Variants in PREPL observed in about 807,000 individuals in gnomAD.
PREPL encodes the protein prolyl endopeptidase like, also known as prolyl endopeptidase-like.
In PREPL, 77 loss-of-function variants were observed where a neutral mutation model predicts 70.6. That is an observed-to-expected ratio of 1.09 (90% CI 0.91 to 1.32). The LOEUF is 1.32. Among genes scored for constraint, PREPL ranks in the 40% most tolerant of loss-of-function variants. The pLI is 0.00. For missense variants in PREPL, 1,002 were observed against 778.2 expected, an observed-to-expected ratio of 1.29 and a Z score of -3.42; for synonymous variants, 315 against 264.8, an observed-to-expected ratio of 1.19 and a Z score of -1.84.
In PREPL at chr2:44,335,853, A is replaced by C. The variant is rs536507827; in HGVS notation, c.888+2498T>G. Among the ~76,000 whole-genome samples, 23 of 152,030 alleles carry C rather than the reference A, an allele frequency of 1.5e-4. No homozygotes were observed. In the East Asian group the frequency reaches 4.2e-3, roughly 28 times the overall value. On this transcript the variant is annotated intron_variant, in intron 7 of 13. Coordinates refer to ENST00000409411, the MANE Select transcript of PREPL (RefSeq NM_001171613.2). ...TTATATTAACAAGCAAAACAAACAA[A>C]AACAGAAAAAAACCCCAACACCATA...
In PREPL at chr2:44,338,360, C is replaced by G; in HGVS notation, c.879G>C (p.Arg293=). The change falls in exon 7 of 14, where the codon CGG becomes CGC. Residue 293 remains arginine (R), a synonymous_variant. Coordinates refer to ENST00000409411, the MANE Select transcript of PREPL (RefSeq NM_001171613.2). Reference sequence around the variant, plus strand: ...TGAAAATTAAACATACCTTTAGAGACCGAACTGAATCATCAGCCAGACCAA... The same window carrying G: ...TGAAAATTAAACATACCTTTAGAGAGCGAACTGAATCATCAGCCAGACCAA... ...NVIGLADDSV[R]SLKLPPWACG... 6.2e-7 allele frequency: 1 copy of G among 1,610,792 alleles called. No individual in the cohort carries two copies. Among genetic ancestry groups the G allele is most frequent in the African/African-American group, 1.3e-5 (1 of 74,880 alleles).
At chr2:44,326,956 G>A (rs1247147832) in intron 9 of PREPL, 28 bp from the exon 10 acceptor site, 2 of 1,597,662 alleles carry the variant, frequency 1.3e-6, no homozygotes, top group Non-Finnish European at 1.7e-6. Flanking sequence ...AAAAGTTTTA[G>A]TGGAAAAAAA....
intron 2 of PREPL, among the ~76,000 whole-genome samples, chr2:44,345,682 T>C (rs1362601058): frequency 6.6e-6 from 1 of 152,166 alleles, no homozygotes; most frequent in Non-Finnish European, 1.5e-5. Flanking sequence ...TTTATGACTG[T>C]GATAACCATA....
chr2:44,319,635 C>T lies in PREPL; in HGVS notation c.*1721G>A, dbSNP rs1672754457. On this transcript the variant is annotated 3_prime_UTR_variant, in exon 14 of 14. Transcript: ENST00000409411. ...ACATACTATTATGGTAAAAAAAAGT[C>T]TACAATTTCTAACTTTCACCTTAGG... 6.5e-6 allele frequency: 1 copy of T among 152,970 alleles called. No homozygotes were observed. The highest frequency in any genetic ancestry group is 1.5e-5 in the Non-Finnish European group (1 of 68,676). 9.5% of individuals were successfully genotyped at this position (152,970 alleles called of 1,614,324 possible). A position where few individuals can be genotyped will look rare whatever the true frequency, so the allele number is the denominator to read the frequency against.
At chr2:44,348,448 C>T (rs1264273928) in intron 1 of PREPL, among the ~76,000 whole-genome samples, 1 of 152,140 alleles carries the variant, frequency 6.6e-6, no homozygotes, top group African/African-American at 2.4e-5. Flanking sequence ...TCTGTAATTT[C>T]CATTAAAACT....
intron 9 of PREPL, 122 bp from the exon 10 acceptor site, chr2:44,327,050 C>A: frequency 1.2e-6 from 1 of 812,410 alleles, no homozygotes; most frequent in Non-Finnish European, 2.0e-6. Context: ...CTGGTTTTTG[C>A]TTTTTAAAGG....
intron 7 of PREPL, among the ~76,000 whole-genome samples, chr2:44,334,189 G>GT (rs1674404556): frequency 6.6e-6 from 1 of 152,198 alleles, no homozygotes; most frequent in Non-Finnish European, 1.5e-5. Flanking sequence ...AGCCTGCAGT[G>GT]TATCTGTGTA....
chr2:44,321,270 TA>T lies in PREPL; in HGVS notation c.*85del. ...AATTAATAACTTAAAAGTCTCAAGT[TA>T]TTAATTTTTTTTTTGCTAACTCAAT... is the stretch of plus-strand genomic sequence containing the variant. On this transcript the variant is annotated 3_prime_UTR_variant, in exon 14 of 14. Transcript: ENST00000409411. 2 of 1,156,644 alleles carry T rather than the reference TA, an allele frequency of 1.7e-6. No individual in the cohort carries two copies. Among genetic ancestry groups the T allele is most frequent in the Non-Finnish European group, 2.5e-6 (2 of 809,428 alleles). 71.6% of individuals were successfully genotyped at this position (1,156,644 alleles called of 1,614,324 possible).
chr2:44,333,321 G>A (rs989970207), intron 7 of PREPL, among the ~76,000 whole-genome samples: 4 of 152,194 alleles, frequency 2.6e-5, no homozygotes, highest in African/African-American at 7.2e-5. Context: ...TATTCTCTCA[G>A]AGCAGCAGGG....
At chr2:44,325,284 T>A (rs1208781266) in intron 10 of PREPL, among the ~76,000 whole-genome samples, 1 of 152,230 alleles carries the variant, frequency 6.6e-6, no homozygotes, top group Non-Finnish European at 1.5e-5. Flanking sequence ...TGATCACAGA[T>A]AATTTATTCT....
chr2:44,326,525 A>T (rs1353575550), intron 10 of PREPL, among the ~76,000 whole-genome samples, 187 bp downstream of exon 10: 2 of 150,182 alleles, frequency 1.3e-5, no homozygotes, highest in Non-Finnish European at 3.0e-5. Context: ...TCTTGCAGAG[A>T]CAGGGTCTCG....
At position 44,320,207 on chromosome 2, in the gene PREPL, G is replaced by T. The variant is rs886056071; in HGVS notation, c.*1149C>A. 26 of 1,613,014 alleles carry T rather than the reference G, an allele frequency of 1.6e-5. No homozygotes were observed. The highest frequency in any genetic ancestry group is 4.0e-5 in the African/African-American group (3 of 74,874). ...CTTTTTTAAAAAAATAGGTCCAAAA[G>T]ACTCAGCCCAGATCGGCTTTGAAGT... On this transcript the variant is annotated 3_prime_UTR_variant, in exon 14 of 14. Transcript: ENST00000409411.
chr2:44,333,020 C>G (rs1244947067), intron 7 of PREPL, among the ~76,000 whole-genome samples: 2 of 152,088 alleles, frequency 1.3e-5, no homozygotes, highest in Non-Finnish European at 2.9e-5. Context: ...CCGACACTGC[C>G]AAGATCTCTG....
At chr2:44,344,447 AAATT>A (rs1675563289) in intron 3 of PREPL, 69 bp downstream of exon 3, 1 of 1,128,826 alleles carries the variant, frequency 8.9e-7, no homozygotes, top group Non-Finnish European at 1.2e-6. Context: ...TATCTTTGAG[AAATT>A]AATAAATTTC....
Position 44,322,868 on chromosome 2 carries a change from C to A in PREPL, c.1630-14G>T, listed in dbSNP as rs1367460585. 1 of 1,612,030 alleles carries A rather than the reference C, an allele frequency of 6.2e-7. No homozygotes were observed. Among genetic ancestry groups the A allele is most frequent in the Non-Finnish European group, 8.5e-7 (1 of 1,179,030 alleles). On this transcript the variant is annotated splice_polypyrimidine_tract_variant and intron_variant, in intron 11 of 13. Coordinates refer to ENST00000409411, the MANE Select transcript of PREPL (RefSeq NM_001171613.2). ...TGAAGGATAATGCTGAAAGAAAATA[C>A]ATGCACGAAGAGTTTACATTATTTC...
chr2:44,341,258 T>C (rs1175375154), intron 5 of PREPL, among the ~76,000 whole-genome samples: 6 of 152,188 alleles, frequency 3.9e-5, no homozygotes, highest in Non-Finnish European at 5.9e-5. Flanking sequence ...GTATTTCCCA[T>C]TGCATTATAA....
intron 9 of PREPL, among the ~76,000 whole-genome samples, 170 bp from the exon 10 acceptor site, chr2:44,327,098 G>A (rs1026396622): frequency 1.8e-4 from 28 of 152,194 alleles, no homozygotes; most frequent in Admixed American, 1.8e-3. Context: ...GAAACTGTAC[G>A]CGGCCTGCAA....
chr2:44,348,344 CCAT>C (rs1441353974), intron 1 of PREPL, among the ~76,000 whole-genome samples: 1 of 152,180 alleles, frequency 6.6e-6, no homozygotes. Flanking sequence ...CCTCATATCA[CCAT>C]CATAAGTCAG....
chr2:44,334,389 G>GTTA (rs1215771359), intron 7 of PREPL, among the ~76,000 whole-genome samples: 1 of 152,100 alleles, frequency 6.6e-6, no homozygotes, highest in Non-Finnish European at 1.5e-5. Flanking sequence ...TAAAACTGAT[G>GTTA]TTAGCATACA....
Sources: allele counts gnomAD v4.1 joint callset (sites outside exome capture counted in the v4.1 genomes callset), GRCh38; gene constraint gnomAD v4.1.1; transcripts MANE v1.5; gene names NCBI Gene and HGNC (gene_info 2026-07-23, HGNC 2026-07-21).